Variants in HEG1 observed in about 807,000 individuals in gnomAD.
HEG1 encodes protein HEG homolog 1.
Under a neutral mutation model 125.6 loss-of-function variants are expected in HEG1, and 56 were observed. The ratio of observed to expected loss-of-function variants is 0.45; its 90% CI spans 0.36 to 0.56. The LOEUF is 0.56. HEG1 is among the 20% of genes least tolerant of loss of function. The probability of loss-of-function intolerance (pLI) is 0.00; values close to 1 mark genes in which losing one functional copy is unlikely to be tolerated. For missense variants in HEG1, 1,523 were observed against 1,670.0 expected, an observed-to-expected ratio of 0.91 and a Z score of 1.53; for synonymous variants, 644 against 668.5, an observed-to-expected ratio of 0.96 and a Z score of 0.57.
chr3:125,003,155 A>G (rs1225674966), intron 9 of HEG1, among the ~76,000 whole-genome samples: 2 of 152,200 alleles, frequency 1.3e-5, no homozygotes, highest in Non-Finnish European at 2.9e-5. Flanking sequence ...CTGTTTTTCC[A>G]GGTTTGGTAA....
At chr3:125,039,844 A>C (rs1937578246) in intron 1 of HEG1, among the ~76,000 whole-genome samples, 1 of 151,654 alleles carries the variant, frequency 6.6e-6, no homozygotes, top group African/African-American at 2.4e-5. Context: ...CCAAAAAAAA[A>C]AAAAACAACA....
intron 15 of HEG1, 69 bp from the exon 16 acceptor site, chr3:124,973,974 T>C (rs1936491543): frequency 9.5e-7 from 1 of 1,048,812 alleles, no homozygotes; most frequent in Non-Finnish European, 1.4e-6. Flanking sequence ...GCACCAACTA[T>C]GATTTTATAA....
intron 1 of HEG1, among the ~76,000 whole-genome samples, chr3:125,053,182 T>A (rs1937852242): frequency 6.6e-6 from 1 of 152,168 alleles, no homozygotes; most frequent in Non-Finnish European, 1.5e-5. Flanking sequence ...GACATTTGCA[T>A]GGGACACATT....
chr3:124,981,912 A>AT (rs113739979), intron 14 of HEG1, among the ~76,000 whole-genome samples: 102 of 148,810 alleles, frequency 6.9e-4, no homozygotes, highest in African/African-American at 1.2e-3. Flanking sequence ...ACACATACAT[A>AT]TTTTTTTTTT....
chr3:125,049,827 G>A (rs77427488), intron 1 of HEG1, among the ~76,000 whole-genome samples: 291 of 152,300 alleles, frequency 1.9e-3, no homozygotes, highest in African/African-American at 6.2e-3. Context: ...AGATATGTAT[G>A]TGGTTCATCT....
chr3:125,039,961 T>C (rs1937579587), intron 1 of HEG1, among the ~76,000 whole-genome samples: 1 of 152,324 alleles, frequency 6.6e-6, no homozygotes, highest in Admixed American at 6.5e-5. Context: ...ACACGGGCTT[T>C]GGAATCAGAC....
chr3:125,055,793 G>A lies in HEG1; in HGVS notation c.98C>T (p.Pro33Leu). Residue 33 changes from proline to leucine, a missense_variant, in exon 1 of 17, where the codon CCG (proline) becomes CTG (leucine). Physicochemically the swap from Pro to Leu is moderately conservative, Grantham distance 98. Transcript: ENST00000311127. Reference sequence around the variant, plus strand: ...CGCGCGGCGAGCCGGGGAAGGCGGCGGGTCCCGCGTCCCGGGGGCCGCCGG... The same window carrying A: ...CGCGCGGCGAGCCGGGGAAGGCGGCAGGTCCCGCGTCCCGGGGGCCGCCGG... ...LPPAAPGTRD[P>L]PPSPARRALS... is the part of the protein sequence containing the mutation. The A allele has an allele frequency of 1.0e-6, 1 of 988,110 alleles. No individual in the cohort carries two copies. The highest frequency in any genetic ancestry group is 1.8e-5 in the African/African-American group (1 of 56,980). 61.2% of individuals were successfully genotyped at this position (988,110 alleles called of 1,614,324 possible).
At chr3:125,042,517 T>A (rs1002850240) in intron 1 of HEG1, among the ~76,000 whole-genome samples, 6 of 152,244 alleles carry the variant, frequency 3.9e-5, no homozygotes, top group African/African-American at 1.4e-4. Context: ...GAATCAGGTA[T>A]AGAATCTACC....
Position 125,005,271 on chromosome 3 carries a change from G to C in HEG1, c.3291C>G (p.Thr1097=), listed in dbSNP as rs759335158. ...SDLQEVENEI[T]KTLNMCFSAL... ...TGCCATTCAGGACACTTACCGTTTTGGTGATCTCATTTTCAACTTCTTGTA... is the reference window on the plus strand; with the variant it reads ...TGCCATTCAGGACACTTACCGTTTTCGTGATCTCATTTTCAACTTCTTGTA... Residue 1097 remains threonine, a synonymous_variant, in exon 9 of 17, where the codon ACC becomes ACG. Transcript: ENST00000311127. 3.2e-6 allele frequency: 5 copies of C among 1,573,990 alleles called. No individual in the cohort carries two copies. The highest frequency in any genetic ancestry group is 4.3e-6 in the Non-Finnish European group (5 of 1,151,470).
intron 15 of HEG1, 30 bp downstream of exon 15, chr3:124,977,829 G>T: frequency 7.0e-7 from 1 of 1,436,926 alleles, no homozygotes. Context: ...GCAAAGGAAC[G>T]GGATTGGAAC....
chr3:125,021,065 T>C lies in HEG1; in HGVS notation c.979A>G (p.Lys327Glu), dbSNP rs1317582931. 6.2e-7 allele frequency: 1 copy of C among 1,606,662 alleles called. No homozygotes were observed. Among genetic ancestry groups the C allele is most frequent in the Admixed American group, 1.7e-5 (1 of 58,778 alleles). Residue 327 changes from lysine to glutamate, a missense_variant, in exon 4 of 17, where the codon AAG (lysine) becomes GAG (glutamate). By Grantham distance (56) the Lys-to-Glu change is moderately conservative (BLOSUM62 1). Coordinates refer to ENST00000311127, the MANE Select transcript of HEG1 (RefSeq NM_020733.2). ...GLQSSSVSQT[K>E]TMHVATVFTD... ...AACACGGTGGCAACATGCATTGTCT[T>C]TGTTTGACTGACTGAGGAGCTCTGG...
In HEG1 at chr3:125,013,347, G is replaced by C; in HGVS notation, c.2232C>G (p.Thr744=). Residue 744 remains threonine (T), a synonymous_variant, in exon 6 of 17, where the codon ACC becomes ACG. Transcript: ENST00000311127. ...TCTCCCTTGCCCTGGGCAGGACAGG[G>C]GTAGAAGATGACTGTGGCAAGGTTG... ...SQTTLPQSSS[T]PVLPRARETP... 1 of 1,613,966 alleles carries C rather than the reference G, an allele frequency of 6.2e-7. No homozygotes were observed. The highest frequency in any genetic ancestry group is 8.5e-7 in the Non-Finnish European group (1 of 1,179,900).
chr3:125,022,553 T>G (rs957425076), intron 3 of HEG1, among the ~76,000 whole-genome samples: 6 of 151,710 alleles, frequency 4.0e-5, no homozygotes, highest in Non-Finnish European at 7.4e-5. Context: ...GCAGGCAATC[T>G]ATAAAACTAG....
chr3:124,984,864 AAAGGCAGT>A (rs1348906594), intron 14 of HEG1, among the ~76,000 whole-genome samples: 1 of 152,214 alleles, frequency 6.6e-6, no homozygotes, highest in African/African-American at 2.4e-5. Context: ...GAGACTTTTG[AAAGGCAGT>A]AAGAGGGGAA....
chr3:125,012,607 T>A lies in HEG1; in HGVS notation c.2956+16A>T, dbSNP rs1310351506. ...GGGCCTTGCAGTTAACATGTGCTTG[T>A]GTGACTGTGTTTTACCTGAGGCTGA... is the stretch of plus-strand genomic sequence containing the variant. On this transcript the variant is annotated intron_variant, in intron 6 of 16. Transcript: ENST00000311127. The A allele has an allele frequency of 1.2e-6, 2 of 1,605,730 alleles. No individual in the cohort carries two copies. The highest frequency in any genetic ancestry group is 1.7e-6 in the Non-Finnish European group (2 of 1,175,482).
chr3:125,020,983 C>T lies in HEG1; in HGVS notation c.1061G>A (p.Ser354Asn), dbSNP rs1424266050. Residue 354 changes from serine to asparagine, a missense_variant, in exon 4 of 17, where the codon AGC becomes AAC. By Grantham distance (46) the Ser-to-Asn change is conservative. Coordinates refer to ENST00000311127, the MANE Select transcript of HEG1 (RefSeq NM_020733.2). ...GTCCTTGGGGAAGCCTTCTGTCTTG[C>T]TCACAGGTCCCAGACTGACCGTCAA... ...RSLTVSLGPV[S>N]KTEGFPKDSR... The T allele has an allele frequency of 1.2e-6, 2 of 1,613,958 alleles. No individual in the cohort carries two copies. Among genetic ancestry groups the T allele is most frequent in the Admixed American group, 1.7e-5 (1 of 60,018 alleles).
Position 125,020,930 on chromosome 3 carries a change from C to T in HEG1, c.1114G>A (p.Val372Ile). The T allele has an allele frequency of 1.2e-6, 2 of 1,614,012 alleles. No individual in the cohort carries two copies. Among genetic ancestry groups the T allele is most frequent in the Non-Finnish European group, 1.7e-6 (2 of 1,179,898 alleles). Residue 372 changes from valine (V) to isoleucine (I), a missense_variant, in exon 4 of 17, where the codon GTC (valine) becomes ATC (isoleucine). Transcript: ENST00000311127. Reference protein sequence around the residue: ...DSRIATTSSSVLLSPSAVESR... With the variant: ...DSRIATTSSSILLSPSAVESR... ...TCCACTGCAGAGGGTGAAAGAAGGA[C>T]TGAGGATGAAGTCGTGGCAATTCTG... is the stretch of plus-strand genomic sequence containing the variant.
intron 8 of HEG1, among the ~76,000 whole-genome samples, chr3:125,006,086 C>T (rs1937068238): frequency 6.6e-6 from 1 of 152,086 alleles, no homozygotes; most frequent in African/African-American, 2.4e-5. Context: ...CCTCTGTGCC[C>T]TGAGGAATCT....
chr3:125,002,356 C>T (rs1937013758), intron 9 of HEG1, 41 bp from the exon 10 acceptor site: 2 of 1,562,786 alleles, frequency 1.3e-6, no homozygotes, highest in African/African-American at 2.7e-5. Context: ...GTGAGTTAGA[C>T]AAAAGCCTTG....
Sources: allele counts gnomAD v4.1 joint callset (sites outside exome capture counted in the v4.1 genomes callset), GRCh38; gene constraint gnomAD v4.1.1; transcripts MANE v1.5; gene names NCBI Gene and HGNC (gene_info 2026-07-23, HGNC 2026-07-21).